MAP1B: variants seen among roughly 807,000 people sequenced by gnomAD.
MAP1B encodes the protein microtubule-associated protein 1B.
In MAP1B, 12 loss-of-function variants were observed where a neutral mutation model predicts 176.1. The observed-to-expected ratio is 0.07, with a 90% CI of 0.04 to 0.11. The LOEUF (loss-of-function observed/expected upper bound fraction) is 0.11, where lower values mean the gene tolerates loss of function less well. MAP1B is among the 10% of genes least tolerant of loss of function. The probability of loss-of-function intolerance (pLI) is 1.00; values close to 1 mark genes in which losing one functional copy is unlikely to be tolerated. For missense variants in MAP1B, 2,523 were observed against 2,990.5 expected, an observed-to-expected ratio of 0.84 and a Z score of 3.65; for synonymous variants, 1,044 against 1,135.0, an observed-to-expected ratio of 0.92 and a Z score of 1.61.
At chr5:72,173,022 C>G (rs1361071786) in intron 2 of MAP1B, among the ~76,000 whole-genome samples, 1 of 152,200 alleles carries the variant, frequency 6.6e-6, no homozygotes, top group South Asian at 2.1e-4. Flanking sequence ...GGTCTCCATC[C>G]CAGTTCCGCT....
In MAP1B at chr5:72,205,229, T is replaced by C. The variant is rs903064272; in HGVS notation, c.7397T>C (p.Ile2466Thr). Residue 2466 changes from isoleucine to threonine, a missense_variant, in exon 7 of 7, where the codon ATT (isoleucine) becomes ACT (threonine). This residue lies in a region of MAP1B where 4 missense variants were observed against 24.6 expected (regional missense o/e 0.16). Transcript: ENST00000296755. ...GATGAATCCTTCCCTGCATGCAAGATTGAACTGTAAAAACCAAGGCCAGCC... is the reference window on the plus strand; with the variant it reads ...GATGAATCCTTCCCTGCATGCAAGACTGAACTGTAAAAACCAAGGCCAGCC... ...MQDESFPACK[I>T]EL The C allele has an allele frequency of 1.2e-6, 2 of 1,611,970 alleles. No individual in the cohort carries two copies. Among genetic ancestry groups the C allele is most frequent in the Admixed American group, 1.7e-5 (1 of 59,556 alleles).
intron 4 of MAP1B, among the ~76,000 whole-genome samples, chr5:72,191,497 G>A (rs1310949495): frequency 6.6e-6 from 1 of 152,220 alleles, no homozygotes; most frequent in Non-Finnish European, 1.5e-5. Context: ...TGGCCCACAG[G>A]TCTGGAAAGA....
chr5:72,157,371 T>A (rs1217277190), intron 2 of MAP1B, among the ~76,000 whole-genome samples: 1 of 152,222 alleles, frequency 6.6e-6, no homozygotes, highest in Non-Finnish European at 1.5e-5. Context: ...TTGTCATTGT[T>A]GTTTTAAACA....
At chr5:72,140,799 A>T (rs986089022) in intron 2 of MAP1B, among the ~76,000 whole-genome samples, 3 of 152,244 alleles carry the variant, frequency 2.0e-5, no homozygotes, top group African/African-American at 7.2e-5. Context: ...AACATGAAAA[A>T]ATAAAAGGGC....
At chr5:72,178,735 TG>T (rs1746703742) in intron 2 of MAP1B, among the ~76,000 whole-genome samples, 1 of 150,058 alleles carries the variant, frequency 6.7e-6, no homozygotes, top group Non-Finnish European at 1.5e-5. Context: ...GGTGTGTGTG[TG>T]TGTGTGTGTG....
At chr5:72,112,999 C>A (rs1745371583) in intron 1 of MAP1B, among the ~76,000 whole-genome samples, 1 of 152,128 alleles carries the variant, frequency 6.6e-6, no homozygotes, top group African/African-American at 2.4e-5. Flanking sequence ...ATGGGAAGGG[C>A]CAAAGAGATA....
chr5:72,162,309 A>G (rs555700840), intron 2 of MAP1B, among the ~76,000 whole-genome samples: 1 of 152,330 alleles, frequency 6.6e-6, no homozygotes, highest in East Asian at 1.9e-4. Flanking sequence ...CAGTGTGACA[A>G]TTGAAAGACC....
At chr5:72,130,286 C>T (rs529105723) in intron 2 of MAP1B, among the ~76,000 whole-genome samples, 2 of 151,978 alleles carry the variant, frequency 1.3e-5, no homozygotes, top group African/African-American at 4.8e-5. Flanking sequence ...TCAGAAATGG[C>T]TTTTTCCCAA....
rs1325636098 is a variant in MAP1B at position 72,206,858 on chromosome 5, C to G, written c.*1619C>G. The G allele has an allele frequency of 6.6e-6, 1 of 152,038 alleles. No homozygotes were observed. Among genetic ancestry groups the G allele is most frequent in the Admixed American group, 6.6e-5 (1 of 15,256 alleles). The allele number at this position is 152,038 out of a possible 1,614,324, so 9.4% of individuals were successfully genotyped here. A position where few individuals can be genotyped will look rare whatever the true frequency, so the allele number is the denominator to read the frequency against. On this transcript the variant is annotated 3_prime_UTR_variant, in exon 7 of 7. Coordinates refer to ENST00000296755, the MANE Select transcript of MAP1B (RefSeq NM_005909.5). ...CCTTGATTCCCATAACATAAAAGTG[C>G]TACTTGAGAGTGGGGGAGAATGGCA...
Position 72,197,555 on chromosome 5 carries a change from C to T in MAP1B, c.4200C>T (p.Ser1400=). 1 of 1,614,212 alleles carries T rather than the reference C, an allele frequency of 6.2e-7. No individual in the cohort carries two copies. The highest frequency in any genetic ancestry group is 8.5e-7 in the Non-Finnish European group (1 of 1,180,040). ...AAAAAGTTTTGTCTCCTTTACGCAGCCCGCCCCTCATTGGATCCGAGTCTG... is the reference window on the plus strand; with the variant it reads ...AAAAAGTTTTGTCTCCTTTACGCAGTCCGCCCCTCATTGGATCCGAGTCTG... The part of the protein sequence containing the change: ...PIEKVLSPLR[S]PPLIGSESAY... Residue 1400 remains serine (S), a synonymous_variant, in exon 5 of 7, where the codon AGC becomes AGT. Coordinates refer to ENST00000296755, the MANE Select transcript of MAP1B (RefSeq NM_005909.5).
chr5:72,123,950 C>T (rs1025383121), intron 2 of MAP1B, among the ~76,000 whole-genome samples: 14 of 152,036 alleles, frequency 9.2e-5, no homozygotes, highest in Non-Finnish European at 1.9e-4. Flanking sequence ...TCTTAATTTG[C>T]GAACTGTGTA....
chr5:72,180,127 CAG>C (rs1406256372), intron 2 of MAP1B, among the ~76,000 whole-genome samples: 2 of 152,114 alleles, frequency 1.3e-5, no homozygotes, highest in Non-Finnish European at 2.9e-5. Context: ...CTAGCGGGCT[CAG>C]GGCGTTGTGT....
intron 2 of MAP1B, among the ~76,000 whole-genome samples, chr5:72,135,829 A>T (rs570670169): frequency 6.6e-6 from 1 of 152,208 alleles, no homozygotes; most frequent in East Asian, 1.9e-4. Context: ...CTGGTGAGCT[A>T]TTTCTTTTTC....
chr5:72,197,450 C>A lies in MAP1B; in HGVS notation c.4095C>A (p.Phe1365Leu), dbSNP rs908055528. 3.1e-6 allele frequency: 5 copies of A among 1,614,088 alleles called. No homozygotes were observed. Among genetic ancestry groups the A allele is most frequent in the Non-Finnish European group, 4.2e-6 (5 of 1,180,038 alleles). Residue 1365 changes from phenylalanine to leucine, a missense_variant, in exon 5 of 7, where the codon TTC (phenylalanine) becomes TTA (leucine). By Grantham distance (22) the Phe-to-Leu change is conservative. Transcript: ENST00000296755. ...KPPAVPVSFE[F>L]SDAKDENERA... ...CAGCAGTTCCAGTGAGTTTTGAATT[C>A]AGTGATGCCAAAGATGAGAATGAAA...
chr5:72,169,926 G>A (rs1204816199), intron 2 of MAP1B, among the ~76,000 whole-genome samples: 1 of 152,180 alleles, frequency 6.6e-6, no homozygotes, highest in Non-Finnish European at 1.5e-5. Context: ...GAACATGTAA[G>A]AAATGGATTA....
rs1476726846 is a variant in MAP1B, at chr5:72,183,725, G to T, written c.287-18G>T. The T allele has an allele frequency of 1.0e-5, 16 of 1,607,706 alleles. No homozygotes were observed. Among genetic ancestry groups the T allele is most frequent in the Non-Finnish European group, 9.4e-6 (11 of 1,174,290 alleles). ...AAGCTAAAGGTCTCCTCTTTTGTTT[G>T]TGTTTTTGTGCCTGCAGGACAAAAG... On this transcript the variant is annotated intron_variant, in intron 2 of 6. Transcript: ENST00000296755.
At chr5:72,135,212 T>A (rs1017167632) in intron 2 of MAP1B, among the ~76,000 whole-genome samples, 1 of 152,076 alleles carries the variant, frequency 6.6e-6, no homozygotes, top group Non-Finnish European at 1.5e-5. Flanking sequence ...AGGCAGCTTA[T>A]GGGATTGCTC....
At chr5:72,122,612 G>A (rs1386158203) in intron 2 of MAP1B, among the ~76,000 whole-genome samples, 1 of 150,908 alleles carries the variant, frequency 6.6e-6, no homozygotes, top group Non-Finnish European at 1.5e-5. Flanking sequence ...GGCTCTTTCA[G>A]ACCACCCTAG....
intron 4 of MAP1B, among the ~76,000 whole-genome samples, chr5:72,188,262 C>T (rs144157578): frequency 7.2e-5 from 11 of 152,312 alleles, no homozygotes; most frequent in Non-Finnish European, 1.2e-4. Context: ...ATGTTGTACC[C>T]GGAGGCAGGT....
Sources: allele counts gnomAD v4.1 joint callset (sites outside exome capture counted in the v4.1 genomes callset), GRCh38; gene constraint gnomAD v4.1.1; regional missense constraint gnomAD v4.1.1; transcripts MANE v1.5; gene names NCBI Gene and HGNC (gene_info 2026-07-23, HGNC 2026-07-21).